Variants in AOAH observed in about 807,000 individuals in gnomAD.
The protein encoded by AOAH is acyloxyacyl hydrolase.
AOAH carries 64 observed loss-of-function variants against 92.2 expected under a neutral mutation model. The observed-to-expected ratio is 0.69, with a 90% confidence interval of 0.57 to 0.86. The LOEUF (loss-of-function observed/expected upper bound fraction) is 0.86. AOAH is among the 40% of genes least tolerant of loss of function. AOAH has a pLI of 0.00. For missense variants in AOAH, 656 were observed against 694.6 expected (o/e 0.94, Z 0.62); for synonymous variants, 263 against 254.5 (o/e 1.03, Z -0.32).
intron 11 of AOAH, among the ~76,000 whole-genome samples, chr7:36,598,514 A>C (rs1790301095): frequency 1.3e-5 from 2 of 152,220 alleles, no homozygotes; most frequent in South Asian, 2.1e-4. Context: ...CAAAACTGTG[A>C]GGAAGACCAA....
intron 1 of AOAH, among the ~76,000 whole-genome samples, chr7:36,715,885 T>G (rs1385758097): frequency 1.3e-5 from 2 of 152,106 alleles, no homozygotes; most frequent in African/African-American, 4.8e-5. Flanking sequence ...GAAGAAAACC[T>G]AGGCAATACC....
chr7:36,709,458 T>A (rs1798625455), intron 1 of AOAH, among the ~76,000 whole-genome samples: 1 of 152,222 alleles, frequency 6.6e-6, no homozygotes, highest in East Asian at 1.9e-4. Context: ...ATTCATTGTA[T>A]GCCACTGATG....
intron 16 of AOAH, among the ~76,000 whole-genome samples, chr7:36,534,966 G>GTC (rs997622769): frequency 2.7e-5 from 4 of 150,660 alleles, no homozygotes; most frequent in East Asian, 1.9e-4. Flanking sequence ...ATCTGTGTCT[G>GTC]TGTCTCTGTG....
In AOAH at chr7:36,578,057, C is replaced by A. The variant is rs145643162; in HGVS notation, c.939-1401G>T. Among the ~76,000 whole-genome samples, 66 of 152,270 alleles carry A rather than the reference C, an allele frequency of 4.3e-4. No homozygotes were observed. The East Asian group carries it at 5.0e-3, about 12-fold the overall frequency. On this transcript the variant is annotated intron_variant, in intron 12 of 20. Coordinates refer to ENST00000617537, the MANE Select transcript of AOAH (RefSeq NM_001637.4). ...AAACCAATGATAGTGTTTTTTAATA[C>A]AAGACCAAGATGCCTGAGCAATATT...
chr7:36,631,345 C>CATCT (rs200646838), intron 6 of AOAH, among the ~76,000 whole-genome samples: 1 of 125,718 alleles, frequency 8.0e-6, no homozygotes, highest in African/African-American at 3.2e-5. Context: ...GACACTCCAT[C>CATCT]ATCTCAAAAA....
intron 1 of AOAH, among the ~76,000 whole-genome samples, chr7:36,705,367 C>A (rs1798329200): frequency 6.6e-6 from 1 of 152,070 alleles, no homozygotes; most frequent in African/African-American, 2.4e-5. Flanking sequence ...AAATCATGAG[C>A]AAACTTCCAT....
chr7:36,636,607 G>GAATT (rs2116300480), intron 5 of AOAH, among the ~76,000 whole-genome samples: 1 of 152,144 alleles, frequency 6.6e-6, no homozygotes, highest in Non-Finnish European at 1.5e-5. Flanking sequence ...ATTATTCACT[G>GAATT]AATTAAATAA....
intron 13 of AOAH, among the ~76,000 whole-genome samples, chr7:36,550,733 G>T (rs914470334): frequency 2.0e-5 from 3 of 152,212 alleles, no homozygotes; most frequent in African/African-American, 7.2e-5. Flanking sequence ...TCGGTGGACC[G>T]AGTTGGAGAA....
intron 6 of AOAH, among the ~76,000 whole-genome samples, chr7:36,623,575 A>T (rs1176739375): frequency 6.6e-6 from 1 of 152,238 alleles, no homozygotes; most frequent in Admixed American, 6.5e-5. Context: ...CTTTGAGTTC[A>T]GTCAATGAAC....
At chr7:36,670,156 G>A (rs1043396455) in intron 3 of AOAH, among the ~76,000 whole-genome samples, 2 of 152,180 alleles carry the variant, frequency 1.3e-5, no homozygotes, top group Non-Finnish European at 2.9e-5. Flanking sequence ...GAACTGAGTG[G>A]TGTGAAATAA....
intron 1 of AOAH, among the ~76,000 whole-genome samples, chr7:36,703,401 T>C (rs1291933720): frequency 6.6e-6 from 1 of 152,212 alleles, no homozygotes; most frequent in African/African-American, 2.4e-5. Context: ...TTTATTTCTC[T>C]TTTTAAATTA....
rs575533292 is a variant in AOAH at position 36,713,976 on chromosome 7, C to T, written c.127+10046G>A. Among the ~76,000 whole-genome samples, 46 of 152,166 alleles carry T rather than the reference C, an allele frequency of 3.0e-4. No individual in the cohort carries two copies. The Middle Eastern group carries it at 0.01, about 34-fold the overall frequency. ...GCAGAAGGCAAGAACTAACTAAGAT[C>T]GGAGCAGAACTGAAGGAAATAGAGA... On this transcript the variant is annotated intron_variant, in intron 1 of 20. Transcript: ENST00000617537.
At chr7:36,632,002 C>T in intron 6 of AOAH, 34 bp downstream of exon 6, 2 of 1,536,774 alleles carry the variant, frequency 1.3e-6, no homozygotes, top group Non-Finnish European at 1.8e-6. Context: ...TTATTACATG[C>T]TAGTGCTCAG....
chr7:36,598,950 T>C (rs1790344374), intron 11 of AOAH, among the ~76,000 whole-genome samples: 1 of 152,214 alleles, frequency 6.6e-6, no homozygotes, highest in Admixed American at 6.5e-5. Flanking sequence ...TCGTTTTAAA[T>C]GTACCTTAAA....
chr7:36,514,192 C>T (rs28391461), intron 20 of AOAH, among the ~76,000 whole-genome samples: 10,486 of 151,904 alleles, frequency 0.069, 545 homozygotes, highest in East Asian at 0.2. Context: ...AAGAAGGTGG[C>T]GGCTGAGATG....
intron 1 of AOAH, among the ~76,000 whole-genome samples, chr7:36,691,303 A>G (rs1296917449): frequency 1.3e-5 from 2 of 152,230 alleles, no homozygotes. Context: ...TTGAGACTTG[A>G]ACACAATATT....
At chr7:36,590,295 C>A (rs1045326279) in intron 12 of AOAH, among the ~76,000 whole-genome samples, 1 of 152,010 alleles carries the variant, frequency 6.6e-6, no homozygotes, top group Non-Finnish European at 1.5e-5. Context: ...AAGCTCTTAA[C>A]CCCCACAGAG....
At chr7:36,688,407 T>C (rs148811563) in intron 1 of AOAH, among the ~76,000 whole-genome samples, 3 of 152,262 alleles carry the variant, frequency 2.0e-5, no homozygotes, top group African/African-American at 7.2e-5. Flanking sequence ...TTAATACAAG[T>C]AAATATTTTT....
chr7:36,547,427 T>A (rs1045970675), intron 15 of AOAH, among the ~76,000 whole-genome samples: 1 of 152,198 alleles, frequency 6.6e-6, no homozygotes, highest in Non-Finnish European at 1.5e-5. Context: ...TTTAATACTA[T>A]TGAGTTTTGT....
Sources: gnomAD v4.1 joint callset for allele counts (sites outside exome capture counted in the v4.1 genomes callset) on GRCh38, gnomAD v4.1.1 for gene constraint, MANE v1.5 for transcripts, NCBI Gene and HGNC (gene_info 2026-07-23, HGNC 2026-07-21) for gene names.